The following KCNQ1 variants were observed in gnomAD, a reference collection of about 807,000 sequenced individuals.
KCNQ1 encodes potassium voltage-gated channel subfamily Q member 1.
A neutral mutation model predicts 72.4 loss-of-function variants in KCNQ1; 49 were observed. That is an observed-to-expected ratio of 0.68 (90% CI 0.54 to 0.86). The LOEUF is 0.86. KCNQ1 is among the 40% of genes least tolerant of loss of function. The pLI is 0.00. For missense variants in KCNQ1, 790 were observed against 945.1 expected (o/e 0.84, Z 2.15); for synonymous variants, 450 against 412.6 (o/e 1.09, Z -1.10).
Position 2,549,704 on chromosome 11 carries a change from C to G in KCNQ1, c.478-20924C>G, listed in dbSNP as rs912926394. Among the ~76,000 whole-genome samples, 2 of 152,074 alleles carry G rather than the reference C, an allele frequency of 1.3e-5. No homozygotes were observed. Among genetic ancestry groups the G allele is most frequent in the Non-Finnish European group, 2.9e-5 (2 of 67,982 alleles). ...GGCGTTTTGTGTTCTGCATGGGTGG[C>G]CCTGGGCTCCCCAGGCCTGGTGTGG... On this transcript the variant is annotated intron_variant, in intron 2 of 15. Transcript: ENST00000155840. This position sits in a 1 kb window ranked among gnomAD's most constrained non-coding sequence, Gnocchi z 6.2.
At chr11:2,791,719 C>A (rs1228367324) in intron 15 of KCNQ1, among the ~76,000 whole-genome samples, 3 of 152,084 alleles carry the variant, frequency 2.0e-5, no homozygotes, top group Non-Finnish European at 2.9e-5. Flanking sequence ...GGGGCCCGGG[C>A]CTCCCGGGCT....
chr11:2,655,896 G>A (rs1248962561), intron 10 of KCNQ1: 2 of 398,574 alleles, frequency 5.0e-6, no homozygotes, highest in African/African-American at 4.1e-5. Flanking sequence ...TTGTTATAGG[G>A]GCCCCATATG....
chr11:2,560,670 A>T (rs1197342382), intron 2 of KCNQ1, among the ~76,000 whole-genome samples: 1 of 152,036 alleles, frequency 6.6e-6, no homozygotes, highest in Non-Finnish European at 1.5e-5. Context: ...TACAGCACCC[A>T]CAAGGCAGGT....
chr11:2,584,509 GTGTGTT>G (rs1301528923), intron 7 of KCNQ1, among the ~76,000 whole-genome samples: 5 of 151,192 alleles, frequency 3.3e-5, no homozygotes, highest in Admixed American at 1.3e-4. Context: ...GGGTTAGTGT[GTGTGTT>G]TGTGTGTTAG....
chr11:2,739,476 G>A (rs1338112445), intron 11 of KCNQ1, among the ~76,000 whole-genome samples: 2 of 152,222 alleles, frequency 1.3e-5, no homozygotes, highest in Non-Finnish European at 2.9e-5. Flanking sequence ...GGACATAGGT[G>A]GGCAACATTT....
At chr11:2,505,595 A>G (rs1847091031) in intron 1 of KCNQ1, among the ~76,000 whole-genome samples, 1 of 151,838 alleles carries the variant, frequency 6.6e-6, no homozygotes, top group Admixed American at 6.6e-5. Flanking sequence ...TTGTAGAACT[A>G]TTTCTCCCTT....
At position 2,603,848 on chromosome 11, in the gene KCNQ1, G is replaced by A. The variant is rs541099741; in HGVS notation, c.1393+14994G>A. 9.9e-5 allele frequency among the ~76,000 whole-genome samples: 15 copies of A among 152,070 alleles called. No individual in the cohort carries two copies. The South Asian group carries it at 1.0e-3, about 11-fold the overall frequency. ...TGGGATTACGGGCACGCACCACCAA[G>A]CCCGGCTAATTTTTGTATTTTTAGT... On this transcript the variant is annotated intron_variant, in intron 10 of 15. Coordinates refer to ENST00000155840, the MANE Select transcript of KCNQ1 (RefSeq NM_000218.3). This position sits in a 1 kb window ranked among gnomAD's most constrained non-coding sequence, Gnocchi z 4.1.
chr11:2,807,205 A>G (rs2134034128), intron 15 of KCNQ1, among the ~76,000 whole-genome samples: 1 of 152,360 alleles, frequency 6.6e-6, no homozygotes, highest in East Asian at 1.9e-4. Flanking sequence ...GCTTTGGGCA[A>G]AATATTTCAT....
intron 11 of KCNQ1, among the ~76,000 whole-genome samples, chr11:2,709,417 G>A (rs948455479): frequency 6.8e-5 from 6 of 87,658 alleles, no homozygotes; most frequent in African/African-American, 3.0e-4. Flanking sequence ...GGTCCTGCAG[G>A]GCTGTTTTTT....
In KCNQ1 at chr11:2,687,482, G is replaced by A; in HGVS notation, c.1514+25401G>A. ...AGAGCTGCTGCAGCATTTCAATAGG[G>A]CCATCCCAGGCACCCTAGGACTTGA... On this transcript the variant is annotated intron_variant, in intron 11 of 15. Coordinates refer to ENST00000155840, the MANE Select transcript of KCNQ1 (RefSeq NM_000218.3). This position sits in a 1 kb window ranked among gnomAD's most constrained non-coding sequence, Gnocchi z 5.0. The A allele has an allele frequency of 2.5e-6, 1 of 398,778 alleles. No individual in the cohort carries two copies. Among genetic ancestry groups the A allele is most frequent in the Non-Finnish European group, 4.4e-6 (1 of 226,244 alleles). 24.7% of individuals were successfully genotyped at this position (398,778 alleles called of 1,614,324 possible).
rs6578283 is a variant in KCNQ1 at position 2,652,345 on chromosome 11, G to A, written c.1394-9616G>A. On this transcript the variant is annotated intron_variant, in intron 10 of 15. Transcript: ENST00000155840. The surrounding 1 kb of genome is among the most constrained non-coding windows in gnomAD (Gnocchi z 5.9). ...TGAAGTTAAGAACTGGCACATTTCC[G>A]CGATGTTGTGATGAAGGTGAAAAGA... is the stretch of plus-strand genomic sequence containing the variant. 274,151 of 398,486 alleles carry A rather than the reference G, an allele frequency of 0.69. 95,652 individuals are homozygous for A. Among genetic ancestry groups the A allele is most frequent in the East Asian group, 0.85 (23,884 of 28,076 alleles). 24.7% of individuals were successfully genotyped at this position (398,486 alleles called of 1,614,324 possible).
chr11:2,696,358 C>A (rs939993864), intron 11 of KCNQ1: 1 of 398,520 alleles, frequency 2.5e-6, no homozygotes, highest in African/African-American at 2.1e-5. Context: ...ATCTTCTGAA[C>A]AGTCCCCACT....
Position 2,536,112 on chromosome 11 carries a change from C to T in KCNQ1, c.477+8094C>T, listed in dbSNP as rs890784620. Reference sequence around the variant, plus strand: ...CACCCAGCCCCATGCACAGGCCACGCGGCGACAGGGGCTGCTGAAGGAAGG... The same window carrying T: ...CACCCAGCCCCATGCACAGGCCACGTGGCGACAGGGGCTGCTGAAGGAAGG... On this transcript the variant is annotated intron_variant, in intron 2 of 15. Transcript: ENST00000155840. This position sits in a 1 kb window ranked among gnomAD's most constrained non-coding sequence, Gnocchi z 7.4. 1.3e-5 allele frequency among the ~76,000 whole-genome samples: 2 copies of T among 152,198 alleles called. No homozygotes were observed. Among genetic ancestry groups the T allele is most frequent in the South Asian group, 2.1e-4 (1 of 4,826 alleles).
intron 13 of KCNQ1, among the ~76,000 whole-genome samples, chr11:2,776,274 C>T (rs1198852707): frequency 6.6e-6 from 1 of 152,114 alleles, no homozygotes; most frequent in South Asian, 2.1e-4. Context: ...CCTTGTTCCC[C>T]GCCCGGATCT....
chr11:2,796,373 G>A (rs576992520), intron 15 of KCNQ1, among the ~76,000 whole-genome samples: 1 of 152,326 alleles, frequency 6.6e-6, no homozygotes, highest in South Asian at 2.1e-4. Flanking sequence ...GAGGAGCATG[G>A]AGGACCCTGG....
rs778041701 is a variant in KCNQ1 at position 2,662,031 on chromosome 11, C to A, written c.1464C>A (p.Asp488Glu). The A allele has an allele frequency of 4.3e-6, 7 of 1,614,052 alleles. No individual in the cohort carries two copies. The highest frequency in any genetic ancestry group is 5.9e-6 in the Non-Finnish European group (7 of 1,180,042). The change falls in exon 11 of 16, where the codon GAC becomes GAA. Residue 488 changes from aspartate (D) to glutamate (E), a missense_variant. Around this residue, in one of 5 missense-constraint regions of KCNQ1, gnomAD observed 178 missense variants for 177.9 expected, o/e 1.00. Transcript: ENST00000155840. ...HFMRTNSFAE[D>E]LDLEGETLLT... ...TGAGAACCAACAGCTTCGCCGAGGACCTGGACCTGGAAGGGGAGACTCTGC... is the reference window on the plus strand; with the variant it reads ...TGAGAACCAACAGCTTCGCCGAGGAACTGGACCTGGAAGGGGAGACTCTGC...
chr11:2,621,372 T>C lies in KCNQ1; in HGVS notation c.1393+32518T>C. 1 of 398,646 alleles carries C rather than the reference T, an allele frequency of 2.5e-6. No homozygotes were observed. The highest frequency in any genetic ancestry group is 3.6e-5 in the East Asian group (1 of 28,082). The allele number at this position is 398,646 out of a possible 1,614,324, so 24.7% of individuals were successfully genotyped here. A position where few individuals can be genotyped will look rare whatever the true frequency, so the allele number is the denominator to read the frequency against. On this transcript the variant is annotated intron_variant, in intron 10 of 15. Coordinates refer to ENST00000155840, the MANE Select transcript of KCNQ1 (RefSeq NM_000218.3). This position sits in a 1 kb window ranked among gnomAD's most constrained non-coding sequence, Gnocchi z 5.7. Reference sequence around the variant, plus strand: ...TTTTAAGAAATGTATGTTCCTGTCCTTTGCCAATTCAATTGGATTATTCGT... The same window carrying C: ...TTTTAAGAAATGTATGTTCCTGTCCCTTGCCAATTCAATTGGATTATTCGT...
In KCNQ1 at chr11:2,678,586, T is replaced by C. The variant is rs376010829; in HGVS notation, c.1514+16505T>C. On this transcript the variant is annotated intron_variant, in intron 11 of 15. Transcript: ENST00000155840. The surrounding 1 kb of genome is among the most constrained non-coding windows in gnomAD (Gnocchi z 4.9). ...ATTATGTAACTTTATGATGCACTTA[T>C]CTGTGTAGCAGGACTCCCCCTCATC... 1.5e-4 allele frequency: 61 copies of C among 398,528 alleles called. No individual in the cohort carries two copies. Among genetic ancestry groups the C allele is most frequent in the African/African-American group, 1.1e-3 (55 of 48,634 alleles). The allele number at this position is 398,528 out of a possible 1,614,324, so 24.7% of individuals were successfully genotyped here. A position where few individuals can be genotyped will look rare whatever the true frequency, so the allele number is the denominator to read the frequency against.
rs1025118407 is a variant in KCNQ1, at chr11:2,695,268, C to A, written c.1514+33187C>A. 2 of 398,662 alleles carry A rather than the reference C, an allele frequency of 5.0e-6. No homozygotes were observed. The highest frequency in any genetic ancestry group is 8.8e-6 in the Non-Finnish European group (2 of 226,162). The allele number at this position is 398,662 out of a possible 1,614,324, so 24.7% of individuals were successfully genotyped here. A position where few individuals can be genotyped will look rare whatever the true frequency, so the allele number is the denominator to read the frequency against. ...CCATGCTTTTCCACTTCATCTCTAG[C>A]CTCTATCCTTGCTCTCCTCCCTACA... On this transcript the variant is annotated intron_variant, in intron 11 of 15. Transcript: ENST00000155840. This position sits in a 1 kb window ranked among gnomAD's most constrained non-coding sequence, Gnocchi z 5.2.
Sources: allele counts gnomAD v4.1 joint callset (sites outside exome capture counted in the v4.1 genomes callset), GRCh38; gene constraint gnomAD v4.1.1; regional missense constraint gnomAD v4.1.1; non-coding constraint Gnocchi (gnomAD v3.1); transcripts MANE v1.5; gene names NCBI Gene and HGNC (gene_info 2026-07-23, HGNC 2026-07-21).